Variants in SMIM35 observed in about 807,000 individuals in gnomAD.
The protein encoded by SMIM35 is TMPRSS4 antisense RNA 1 (non-protein coding).
Position 118,078,394 on chromosome 11 carries a change from G to A in SMIM35, c.7+8357C>T, listed in dbSNP as rs115714528. Among the ~76,000 whole-genome samples the A allele has an allele frequency of 7.7e-3, 1,175 of 152,282 alleles. 15 individuals are homozygous for A. Among genetic ancestry groups the A allele is most frequent in the African/African-American group, 0.027 (1,131 of 41,572 alleles). On this transcript the variant is annotated intron_variant, in intron 1 of 4. Coordinates refer to ENST00000689828, the MANE Select transcript of SMIM35 (RefSeq NM_001394165.1). The stretch of plus-strand genomic sequence containing the variant: ...AGGGGGAAGGGTGTGACCTGCAGGG[G>A]CCCCTCGAGTGATTGTCTCCTATTC...
chr11:118,010,142 T>G (rs1021330032), intron 4 of SMIM35, among the ~76,000 whole-genome samples: 14 of 152,382 alleles, frequency 9.2e-5, no homozygotes, highest in African/African-American at 3.1e-4. Context: ...TTCTGTGGAC[T>G]GTGAACTGTG....
At chr11:118,028,047 C>T (rs959222360) in intron 1 of SMIM35, among the ~76,000 whole-genome samples, 1 of 152,210 alleles carries the variant, frequency 6.6e-6, no homozygotes, top group African/African-American at 2.4e-5. Context: ...CTTTACATCC[C>T]CTTTTCCTCC....
At chr11:118,013,595 C>T in intron 4 of SMIM35, 153 bp downstream of exon 4, 1 of 384,470 alleles carries the variant, frequency 2.6e-6, no homozygotes, top group Non-Finnish European at 4.6e-6. Flanking sequence ...AAACATGACC[C>T]AAGCCTGAGA....
intron 1 of SMIM35, among the ~76,000 whole-genome samples, chr11:118,081,214 A>G (rs1238519514): frequency 6.6e-6 from 1 of 152,228 alleles, no homozygotes; most frequent in East Asian, 1.9e-4. Flanking sequence ...CCCGAAGTCC[A>G]ATTGGAAAAC....
At chr11:118,082,618 G>T (rs951845350) in intron 1 of SMIM35, among the ~76,000 whole-genome samples, 1 of 151,950 alleles carries the variant, frequency 6.6e-6, no homozygotes, top group African/African-American at 2.4e-5. Flanking sequence ...ACTTGAAAAG[G>T]GTCATTCAGC....
intron 1 of SMIM35, among the ~76,000 whole-genome samples, chr11:118,080,214 CG>C (rs1225447775): frequency 3.3e-5 from 5 of 152,098 alleles, no homozygotes; most frequent in African/African-American, 1.2e-4. Flanking sequence ...CTAGGGAAGT[CG>C]GGAAATTGTC....
intron 4 of SMIM35, among the ~76,000 whole-genome samples, chr11:118,013,543 G>A (rs1297151058): frequency 2.6e-5 from 4 of 152,226 alleles, no homozygotes; most frequent in Non-Finnish European, 4.4e-5. Flanking sequence ...TGGGTGGACA[G>A]GAGGAAACAG....
intron 1 of SMIM35, among the ~76,000 whole-genome samples, chr11:118,054,191 TTTTG>T (rs556549375): frequency 2.4e-3 from 372 of 152,172 alleles, no homozygotes; most frequent in African/African-American, 8.5e-3. Context: ...GTTCTTGTTT[TTTTG>T]TTTGTTTGTT....
intron 1 of SMIM35, among the ~76,000 whole-genome samples, chr11:118,086,545 G>T (rs1340205708): frequency 2.0e-5 from 3 of 152,260 alleles, no homozygotes; most frequent in African/African-American, 7.2e-5. Context: ...ATGCCCAGCG[G>T]CATATGGCCT....
intron 4 of SMIM35, among the ~76,000 whole-genome samples, chr11:118,010,529 A>G (rs2058144524): frequency 6.6e-6 from 1 of 152,232 alleles, no homozygotes; most frequent in African/African-American, 2.4e-5. Flanking sequence ...GACCTATGGA[A>G]CATAACTTTG....
At chr11:118,015,484 C>T (rs1814933959) in intron 2 of SMIM35, among the ~76,000 whole-genome samples, 1 of 152,062 alleles carries the variant, frequency 6.6e-6, no homozygotes, top group Admixed American at 6.6e-5. Context: ...GGGAGGAGCC[C>T]CCATTCCCTC....
rs112473236 is a variant in SMIM35, at chr11:118,027,069, G to C, written c.8-11260C>G. Reference sequence around the variant, plus strand: ...GGAGTCTCGCTCTGTCGCCCAGGCCGGACTGCGGACTGCAGTGGCGCAATC... The same window carrying C: ...GGAGTCTCGCTCTGTCGCCCAGGCCCGACTGCGGACTGCAGTGGCGCAATC... On this transcript the variant is annotated intron_variant, in intron 1 of 4. Coordinates refer to ENST00000689828, the MANE Select transcript of SMIM35 (RefSeq NM_001394165.1). Among the ~76,000 whole-genome samples the C allele has an allele frequency of 5.7e-4, 69 of 122,098 alleles. 1 individual carries two copies. Among genetic ancestry groups the C allele is most frequent in the Non-Finnish European group, 8.7e-4 (55 of 62,908 alleles). The allele number at this position is 122,098 out of a possible 152,430, so 80.1% of individuals were successfully genotyped here.
At chr11:118,042,734 A>T (rs1421173952) in intron 1 of SMIM35, among the ~76,000 whole-genome samples, 1 of 152,246 alleles carries the variant, frequency 6.6e-6, no homozygotes, top group African/African-American at 2.4e-5. Flanking sequence ...TGTATGTGGA[A>T]AAAGAATAAA....
At chr11:118,063,577 C>A (rs908876581) in intron 1 of SMIM35, among the ~76,000 whole-genome samples, 1 of 152,158 alleles carries the variant, frequency 6.6e-6, no homozygotes, top group Non-Finnish European at 1.5e-5. Context: ...CCTGGAAGGG[C>A]CTAGGTGGCT....
At chr11:118,033,001 A>G (rs2058331102) in intron 1 of SMIM35, among the ~76,000 whole-genome samples, 1 of 152,250 alleles carries the variant, frequency 6.6e-6, no homozygotes, top group Admixed American at 6.5e-5. Flanking sequence ...CAAAAAACTA[A>G]TACATAATAA....
intron 1 of SMIM35, among the ~76,000 whole-genome samples, chr11:118,041,307 A>G (rs956941779): frequency 1.3e-5 from 2 of 152,162 alleles, no homozygotes; most frequent in African/African-American, 4.8e-5. Context: ...CTACGGACCA[A>G]CTACACCTAA....
chr11:118,027,329 C>CA (rs548921536), intron 1 of SMIM35, among the ~76,000 whole-genome samples: 2 of 148,438 alleles, frequency 1.3e-5, no homozygotes, highest in East Asian at 4.0e-4. Context: ...GCCCGGCCCA[C>CA]TTTTTTTTTT....
At chr11:118,040,596 G>A (rs1943984722) in intron 1 of SMIM35, among the ~76,000 whole-genome samples, 1 of 151,874 alleles carries the variant, frequency 6.6e-6, no homozygotes, top group Non-Finnish European at 1.5e-5. Context: ...AATACCAAAG[G>A]ACATCCATCA....
At chr11:118,058,501 G>A (rs1008140791) in intron 1 of SMIM35, among the ~76,000 whole-genome samples, 1 of 152,186 alleles carries the variant, frequency 6.6e-6, no homozygotes, top group South Asian at 2.1e-4. Flanking sequence ...GAAATGACGG[G>A]GCGAGGAATG....
Sources: gnomAD v4.1 joint callset for allele counts (sites outside exome capture counted in the v4.1 genomes callset) on GRCh38, gnomAD v4.1.1 for gene constraint, MANE v1.5 for transcripts, NCBI Gene and HGNC (gene_info 2026-07-23, HGNC 2026-07-21) for gene names.